Variants in SAMD5 observed in about 807,000 individuals in gnomAD.
SAMD5 encodes sterile alpha motif domain-containing protein 5.
A neutral mutation model predicts 11.3 loss-of-function variants in SAMD5; 13 were observed. That is an observed-to-expected ratio of 1.15 (90% CI 0.75 to 1.83). SAMD5 has a LOEUF of 1.83. Among genes scored for constraint, SAMD5 ranks in the 40% most tolerant of loss-of-function variants. The pLI is 0.00. For synonymous variants in SAMD5, 129 were observed against 111.3 expected (o/e 1.16, Z -1.00); for missense variants, 255 against 239.1 (o/e 1.07, Z -0.44).
At chr6:147,643,147 G>C (rs1045054220) in intron 1 of SAMD5, among the ~76,000 whole-genome samples, 1 of 152,120 alleles carries the variant, frequency 6.6e-6, no homozygotes, top group Non-Finnish European at 1.5e-5. Flanking sequence ...ACGTTGAAGG[G>C]CATGTGAAAT....
chr6:147,527,068 T>A (rs1351930945), intron 1 of SAMD5, among the ~76,000 whole-genome samples: 1 of 152,240 alleles, frequency 6.6e-6, no homozygotes, highest in Admixed American at 6.5e-5. Context: ...ATCCTCCAGC[T>A]TTGAAGCTTT....
At chr6:147,519,800 A>T (rs192093513) in intron 1 of SAMD5, among the ~76,000 whole-genome samples, 31 of 152,342 alleles carry the variant, frequency 2.0e-4, no homozygotes, top group African/African-American at 7.2e-4. Context: ...AGCTTATACA[A>T]ACCATGAAAA....
the SAMD5 span, among the ~76,000 whole-genome samples, chr6:147,898,621 CA>C: frequency 1.3e-5 from 2 of 152,276 alleles, no homozygotes; most frequent in South Asian, 4.1e-4. Context: ...ATATTATCTC[CA>C]AGATCTCTTT....
the SAMD5 span, among the ~76,000 whole-genome samples, chr6:147,853,589 CT>C: frequency 6.6e-6 from 1 of 150,932 alleles, no homozygotes; most frequent in Admixed American, 6.6e-5. Flanking sequence ...ATAATACTTT[CT>C]TTTTCTTTAG....
chr6:147,840,719 A>T, the SAMD5 span, among the ~76,000 whole-genome samples: 1 of 152,226 alleles, frequency 6.6e-6, no homozygotes, highest in Non-Finnish European at 1.5e-5. Flanking sequence ...CAGTTTCTTT[A>T]TTGGTAAAAG....
chr6:147,661,177 AAAAG>A (rs1790644049), intron 1 of SAMD5, among the ~76,000 whole-genome samples: 1 of 152,170 alleles, frequency 6.6e-6, no homozygotes, highest in Non-Finnish European at 1.5e-5. Context: ...GAGAACATGA[AAAAG>A]AAACTAGAAT....
intron 1 of SAMD5, among the ~76,000 whole-genome samples, chr6:147,661,106 A>G (rs1001346261): frequency 6.6e-6 from 1 of 152,164 alleles, no homozygotes; most frequent in African/African-American, 2.4e-5. Flanking sequence ...ATAGGCAATT[A>G]TATGTATATA....
At chr6:147,795,132 G>A in the SAMD5 span, among the ~76,000 whole-genome samples, 6 of 148,508 alleles carry the variant, frequency 4.0e-5, no homozygotes, top group African/African-American at 7.5e-5. Flanking sequence ...AGTTACATAC[G>A]TATACATGTG....
chr6:147,834,880 A>G, the SAMD5 span, among the ~76,000 whole-genome samples: 3 of 152,338 alleles, frequency 2.0e-5, no homozygotes, highest in East Asian at 1.9e-4. Context: ...TTTGGACTCC[A>G]TAAGTATGTA....
chr6:147,876,890 AG>A, the SAMD5 span, among the ~76,000 whole-genome samples: 1 of 152,220 alleles, frequency 6.6e-6, no homozygotes, highest in Non-Finnish European at 1.5e-5. Flanking sequence ...TGCGATGACA[AG>A]GATTGTTGTA....
intron 1 of SAMD5, among the ~76,000 whole-genome samples, chr6:147,715,580 C>T (rs1178416611): frequency 2.0e-5 from 3 of 152,202 alleles, no homozygotes; most frequent in Non-Finnish European, 1.5e-5. Flanking sequence ...TTCTTGTCAC[C>T]CACATTGAGG....
At chr6:147,868,654 G>A in the SAMD5 span, among the ~76,000 whole-genome samples, 2 of 152,176 alleles carry the variant, frequency 1.3e-5, no homozygotes, top group Non-Finnish European at 2.9e-5. Context: ...GTAACATTTG[G>A]CTTAGAAGGC....
At chr6:147,823,481 G>A in the SAMD5 span, among the ~76,000 whole-genome samples, 1 of 152,168 alleles carries the variant, frequency 6.6e-6, no homozygotes, top group South Asian at 2.1e-4. Flanking sequence ...ACTCTTTAGG[G>A]TTTAAATGCC....
At chr6:147,589,735 C>T (rs755201040) in intron 1 of SAMD5, among the ~76,000 whole-genome samples, 26 of 152,156 alleles carry the variant, frequency 1.7e-4, no homozygotes, top group Non-Finnish European at 3.4e-4. Flanking sequence ...TATAGCTTGG[C>T]ACATAAAAAG....
the SAMD5 span, among the ~76,000 whole-genome samples, chr6:147,873,590 T>C: frequency 6.6e-6 from 1 of 152,126 alleles, no homozygotes; most frequent in Non-Finnish European, 1.5e-5. Context: ...AGGTTTTCTG[T>C]GTATATATCG....
the SAMD5 span, among the ~76,000 whole-genome samples, chr6:147,858,986 A>C: frequency 6.6e-6 from 1 of 152,210 alleles, no homozygotes; most frequent in Non-Finnish European, 1.5e-5. Context: ...ATATATTAAG[A>C]AGGAAAAACA....
the SAMD5 span, among the ~76,000 whole-genome samples, chr6:147,916,762 T>C: frequency 1.3e-4 from 18 of 140,350 alleles, no homozygotes; most frequent in South Asian, 4.1e-3. Flanking sequence ...TGTGTCGATG[T>C]GTTCTCATTG....
the SAMD5 span, among the ~76,000 whole-genome samples, chr6:147,820,976 T>C: frequency 6.6e-6 from 1 of 152,214 alleles, no homozygotes; most frequent in Non-Finnish European, 1.5e-5. Context: ...AGGACTCTTC[T>C]TTTTCTTAAT....
At chr6:147,864,622 C>T in the SAMD5 span, among the ~76,000 whole-genome samples, 123,635 of 152,226 alleles carry the variant, frequency 0.81, 50,395 homozygotes, top group African/African-American at 0.88. Context: ...CAAAGGAATC[C>T]TGTGATAGAC....
Sources: gnomAD v4.1 joint callset for allele counts (sites outside exome capture counted in the v4.1 genomes callset) on GRCh38, gnomAD v4.1.1 for gene constraint, MANE v1.5 for transcripts, NCBI Gene and HGNC (gene_info 2026-07-23, HGNC 2026-07-21) for gene names.